BCKDHB: variants seen among roughly 807,000 people sequenced by gnomAD.
BCKDHB encodes branched chain keto acid dehydrogenase E1 subunit beta.
A neutral mutation model predicts 48.5 loss-of-function variants in BCKDHB; 41 were observed. The ratio of observed to expected loss-of-function variants is 0.85; its 90% CI spans 0.66 to 1.10. BCKDHB has a LOEUF of 1.10. BCKDHB is among the 50% of genes least tolerant of loss of function. The probability of loss-of-function intolerance (pLI) is 0.00; values close to 1 mark genes in which losing one functional copy is unlikely to be tolerated. For missense variants in BCKDHB, 496 were observed against 494.2 expected (o/e 1.00, Z -0.03); for synonymous variants, 201 against 174.8 (o/e 1.15, Z -1.18).
At chr6:80,429,857 T>A in the BCKDHB span, among the ~76,000 whole-genome samples, 1 of 152,242 alleles carries the variant, frequency 6.6e-6, no homozygotes, top group South Asian at 2.1e-4. Flanking sequence ...ACCCTTTATT[T>A]CTTTCTCTTA....
At chr6:80,188,383 T>C (rs1169102642) in intron 6 of BCKDHB, among the ~76,000 whole-genome samples, 1 of 151,990 alleles carries the variant, frequency 6.6e-6, no homozygotes, top group African/African-American at 2.4e-5. Context: ...AGGGTGAGGA[T>C]CAGAATAATA....
chr6:80,176,285 T>C (rs1270685860), intron 6 of BCKDHB, among the ~76,000 whole-genome samples: 1 of 152,190 alleles, frequency 6.6e-6, no homozygotes, highest in African/African-American at 2.4e-5. Context: ...TGTGTGATTG[T>C]GTGTGTGCTG....
In BCKDHB at chr6:80,215,767, C is replaced by T. The variant is rs143627906; in HGVS notation, c.951+12555C>T. Among the ~76,000 whole-genome samples, 32 of 152,146 alleles carry T rather than the reference C, an allele frequency of 2.1e-4. No homozygotes were observed. In the East Asian group the frequency reaches 4.3e-3, roughly 20 times the overall value. On this transcript the variant is annotated intron_variant, in intron 8 of 9. Coordinates refer to ENST00000320393, the MANE Select transcript of BCKDHB (RefSeq NM_183050.4). Reference sequence around the variant, plus strand: ...ATATATACTTTTTGTTTTTTTGAGACGGAGTCTCGCCGTGCCACCAGTCTG... The same window carrying T: ...ATATATACTTTTTGTTTTTTTGAGATGGAGTCTCGCCGTGCCACCAGTCTG...
intron 6 of BCKDHB, among the ~76,000 whole-genome samples, chr6:80,178,762 G>T (rs1403767112): frequency 1.3e-5 from 2 of 152,200 alleles, no homozygotes; most frequent in Admixed American, 6.5e-5. Context: ...ACACAACCAG[G>T]ATTGGGCATG....
rs774640066 is a variant in BCKDHB, at chr6:80,171,362, T to C, written c.714T>C (p.Phe238=). 4 of 1,605,866 alleles carry C rather than the reference T, an allele frequency of 2.5e-6. No homozygotes were observed. The African/African-American group carries it at 5.4e-5, about 21-fold the overall frequency. ...AGGATAAAAATCCTTGTATATTTTTTGAACCTAAAATACTTTACAGGGCAG... is the reference window on the plus strand; with the variant it reads ...AGGATAAAAATCCTTGTATATTTTTCGAACCTAAAATACTTTACAGGGCAG... ...CIEDKNPCIF[F]EPKILYRAAA... is the part of the protein sequence containing the mutation. The change falls in exon 6 of 10, where the codon TTT becomes TTC. Residue 238 remains phenylalanine, a synonymous_variant. Transcript: ENST00000320393.
At chr6:80,276,280 T>C (rs941981772) in intron 9 of BCKDHB, among the ~76,000 whole-genome samples, 28 of 151,966 alleles carry the variant, frequency 1.8e-4, no homozygotes, top group African/African-American at 6.3e-4. Flanking sequence ...TGAGTATTAA[T>C]AGTAAAGTTA....
intron 8 of BCKDHB, among the ~76,000 whole-genome samples, chr6:80,220,233 T>C (rs1775354236): frequency 6.6e-6 from 1 of 151,646 alleles, no homozygotes; most frequent in African/African-American, 2.4e-5. Flanking sequence ...CATTTAATTT[T>C]TTTTGAATAT....
At position 80,289,360 on chromosome 6, in the gene BCKDHB, G is replaced by A. The variant is rs573833852; in HGVS notation, c.1038+16139G>A. Among the ~76,000 whole-genome samples, 48 of 152,202 alleles carry A rather than the reference G, an allele frequency of 3.2e-4. No individual in the cohort carries two copies. The South Asian group carries it at 9.8e-3, about 31-fold the overall frequency. ...ACTGCCAAGTATATCAGGAGATGAAGTGATTATCAAACTGCACTGATTAAT... is the reference window on the plus strand; with the variant it reads ...ACTGCCAAGTATATCAGGAGATGAAATGATTATCAAACTGCACTGATTAAT... On this transcript the variant is annotated intron_variant, in intron 9 of 9. Transcript: ENST00000320393.
At chr6:80,459,352 C>T in the BCKDHB span, among the ~76,000 whole-genome samples, 1 of 152,154 alleles carries the variant, frequency 6.6e-6, no homozygotes, top group Admixed American at 6.5e-5. Context: ...ACCTTGAGAA[C>T]ATTTAGCAAA....
At chr6:80,214,001 G>A (rs1775059061) in intron 8 of BCKDHB, among the ~76,000 whole-genome samples, 1 of 152,104 alleles carries the variant, frequency 6.6e-6, no homozygotes, top group Admixed American at 6.6e-5. Flanking sequence ...CTTAGATTTA[G>A]CATTCTTTCC....
intron 8 of BCKDHB, among the ~76,000 whole-genome samples, chr6:80,255,038 G>C (rs770371816): frequency 3.3e-5 from 5 of 152,172 alleles, no homozygotes; most frequent in Non-Finnish European, 5.9e-5. Context: ...TGGGTGTTTT[G>C]AAGAGGAGTG....
At chr6:80,190,605 G>C (rs1300274823) in intron 6 of BCKDHB, among the ~76,000 whole-genome samples, 1 of 151,990 alleles carries the variant, frequency 6.6e-6, no homozygotes, top group Non-Finnish European at 1.5e-5. Context: ...ATGTTGAAAG[G>C]GCTCACTAAA....
chr6:80,303,099 TAC>T (rs1767667765), intron 9 of BCKDHB, among the ~76,000 whole-genome samples: 1 of 152,146 alleles, frequency 6.6e-6, no homozygotes, highest in Non-Finnish European at 1.5e-5. Flanking sequence ...CCTCACCTAT[TAC>T]CTGAACTCAA....
intron 3 of BCKDHB, among the ~76,000 whole-genome samples, chr6:80,158,405 C>T (rs1360300406): frequency 6.6e-6 from 1 of 152,094 alleles, no homozygotes; most frequent in Non-Finnish European, 1.5e-5. Context: ...ACAGCTATTT[C>T]TAAACAATGC....
At chr6:80,157,459 ATTTTTTT>A (rs36063034) in intron 3 of BCKDHB, among the ~76,000 whole-genome samples, 7 of 96,752 alleles carry the variant, frequency 7.2e-5, no homozygotes, top group East Asian at 3.3e-4. Context: ...TTGGGTGAGA[ATTTTTTT>A]TTTTTTTTTT....
rs145760030 is a variant in BCKDHB at position 80,312,220 on chromosome 6, C to G, written c.1039-31444C>G. Among the ~76,000 whole-genome samples the G allele has an allele frequency of 5.4e-3, 825 of 151,992 alleles. 3 individuals are homozygous for G. Among genetic ancestry groups the G allele is most frequent in the African/African-American group, 0.019 (770 of 41,300 alleles). On this transcript the variant is annotated intron_variant, in intron 9 of 9. Coordinates refer to ENST00000320393, the MANE Select transcript of BCKDHB (RefSeq NM_183050.4). Reference sequence around the variant, plus strand: ...GGGAGTTCACATTCATAATTTGGCTCTTGGCTTGCCTGTTGTTAGTGTATA... The same window carrying G: ...GGGAGTTCACATTCATAATTTGGCTGTTGGCTTGCCTGTTGTTAGTGTATA...
intron 8 of BCKDHB, among the ~76,000 whole-genome samples, chr6:80,210,178 A>C (rs1582363378): frequency 6.6e-6 from 1 of 151,006 alleles, no homozygotes; most frequent in East Asian, 1.9e-4. Context: ...TAGGAACATT[A>C]CTTCTAGTAG....
At chr6:80,260,774 T>C (rs1334366395) in intron 8 of BCKDHB, among the ~76,000 whole-genome samples, 4 of 152,138 alleles carry the variant, frequency 2.6e-5, no homozygotes, top group Admixed American at 2.6e-4. Context: ...CTGGTAAATA[T>C]CCACAAGATA....
intron 1 of BCKDHB, among the ~76,000 whole-genome samples, chr6:80,118,805 A>C (rs192469558): frequency 6.6e-6 from 1 of 152,232 alleles, no homozygotes; most frequent in East Asian, 1.9e-4. Flanking sequence ...AGAAAGTAAT[A>C]GATTCCATCT....
Sources: allele counts gnomAD v4.1 joint callset (sites outside exome capture counted in the v4.1 genomes callset), GRCh38; gene constraint gnomAD v4.1.1; transcripts MANE v1.5; gene names NCBI Gene and HGNC (gene_info 2026-07-23, HGNC 2026-07-21).